ALMS1: variants seen among roughly 807,000 people sequenced by gnomAD.
The protein encoded by ALMS1 is ALMS1 centrosome and basal body associated protein, also known as centrosome-associated protein ALMS1.
ALMS1 carries 271 observed loss-of-function variants against 352.2 expected under a neutral mutation model. The observed-to-expected ratio is 0.77, with a 90% confidence interval of 0.70 to 0.85. ALMS1 has a LOEUF of 0.85. Ranked by LOEUF, ALMS1 falls within the 40% of genes least tolerant of loss-of-function variation. The pLI, the probability that ALMS1 is intolerant of heterozygous loss-of-function variation, is 0.00. For missense variants in ALMS1, 5,445 were observed against 4,870.7 expected, an observed-to-expected ratio of 1.12 and a Z score of -3.51; for synonymous variants, 1,865 against 1,761.2, an observed-to-expected ratio of 1.06 and a Z score of -1.48.
chr2:73,466,475 G>C (rs1466425443), intron 9 of ALMS1, among the ~76,000 whole-genome samples: 2 of 133,810 alleles, frequency 1.5e-5, no homozygotes. Context: ...CACACTCTGG[G>C]GCCTGTTGTG....
chr2:73,443,648 A>AAC (rs1553402827), intron 7 of ALMS1, among the ~76,000 whole-genome samples: 3 of 149,966 alleles, frequency 2.0e-5, no homozygotes, highest in Non-Finnish European at 1.5e-5. Context: ...GGGCTTTGCT[A>AAC]ATATATATAT....
intron 11 of ALMS1, among the ~76,000 whole-genome samples, chr2:73,531,364 T>C (rs116416537): frequency 4.7e-4 from 71 of 152,332 alleles, no homozygotes; most frequent in African/African-American, 1.4e-3. Context: ...CAGGGGAAAA[T>C]TGCTGCCAGT....
chr2:73,395,099 T>TG (rs1670735421), intron 1 of ALMS1, among the ~76,000 whole-genome samples: 1 of 134,882 alleles, frequency 7.4e-6, no homozygotes, highest in Non-Finnish European at 1.6e-5. Context: ...TTTTTTTTTT[T>TG]GAGACAGAGT....
In ALMS1 at chr2:73,602,228, G is replaced by T. The variant is rs756267296; in HGVS notation, c.12158G>T (p.Gly4053Val). Residue 4053 changes from glycine (G) to valine (V), a missense_variant, in exon 20 of 23, where the codon GGG (glycine) becomes GTG (valine). Coordinates refer to ENST00000613296, the MANE Select transcript of ALMS1 (RefSeq NM_001378454.1). ...AGACCTGACTTCATCTCCCGCTCTG[G>T]GGAGCGGATAAAGCGCCTGAAGTTA... is the stretch of plus-strand genomic sequence containing the variant. ...FHRPDFISRS[G>V]ERIKRLKLIV... The T allele has an allele frequency of 6.2e-7, 1 of 1,614,124 alleles. No individual in the cohort carries two copies. The highest frequency in any genetic ancestry group is 1.7e-5 in the Admixed American group (1 of 60,022).
chr2:73,563,679 C>T (rs530638100), intron 15 of ALMS1, among the ~76,000 whole-genome samples: 2 of 140,146 alleles, frequency 1.4e-5, no homozygotes, highest in South Asian at 2.2e-4. Flanking sequence ...GCCGAGATCA[C>T]GCCACTGCAC....
intron 9 of ALMS1, among the ~76,000 whole-genome samples, chr2:73,484,203 G>A (rs1253965249): frequency 5.1e-4 from 78 of 151,508 alleles, no homozygotes; most frequent in African/African-American, 1.8e-3. Flanking sequence ...ATTTTGCAGC[G>A]GCTGGTACTG....
rs557575278 is a variant in ALMS1, at chr2:73,481,000, C to G, written c.7675-8634C>G. Reference sequence around the variant, plus strand: ...AGCCCTTTGTCAGATGAGTAGGTTGCGAAAATTTTCTCCCATTTTGTAGGT... The same window carrying G: ...AGCCCTTTGTCAGATGAGTAGGTTGGGAAAATTTTCTCCCATTTTGTAGGT... On this transcript the variant is annotated intron_variant, in intron 9 of 22. Coordinates refer to ENST00000613296, the MANE Select transcript of ALMS1 (RefSeq NM_001378454.1). 2.0e-5 allele frequency among the ~76,000 whole-genome samples: 3 copies of G among 149,800 alleles called. No individual in the cohort carries two copies. The East Asian group carries it at 5.8e-4, about 29-fold the overall frequency.
chr2:73,535,250 T>A (rs1674003069), intron 12 of ALMS1, among the ~76,000 whole-genome samples: 1 of 152,198 alleles, frequency 6.6e-6, no homozygotes, highest in Non-Finnish European at 1.5e-5. Flanking sequence ...CACTGATTTA[T>A]TTTCTCCGCT....
chr2:73,460,889 G>A (rs1280268558), intron 9 of ALMS1, among the ~76,000 whole-genome samples: 1 of 152,242 alleles, frequency 6.6e-6, no homozygotes, highest in Non-Finnish European at 1.5e-5. Flanking sequence ...CGAGGCTGGG[G>A]GAGGGGCGCC....
intron 10 of ALMS1, among the ~76,000 whole-genome samples, chr2:73,511,540 G>A (rs116157052): frequency 0.015 from 2,287 of 152,182 alleles, 62 homozygotes; most frequent in African/African-American, 0.052. Flanking sequence ...GGGTACCTTA[G>A]TCGGAAATGC....
intron 11 of ALMS1, among the ~76,000 whole-genome samples, chr2:73,531,866 T>A (rs1350173949): frequency 6.6e-6 from 1 of 152,170 alleles, no homozygotes; most frequent in Non-Finnish European, 1.5e-5. Flanking sequence ...TTCTAAACCA[T>A]CAAGATCTCC....
chr2:73,412,938 C>T (rs894025499), intron 2 of ALMS1, among the ~76,000 whole-genome samples: 2 of 151,804 alleles, frequency 1.3e-5, no homozygotes, highest in Admixed American at 1.3e-4. Context: ...TATGAGAGTT[C>T]TGATTGCCCT....
chr2:73,430,136 G>A (rs1671470087), intron 6 of ALMS1, among the ~76,000 whole-genome samples: 1 of 150,440 alleles, frequency 6.6e-6, no homozygotes, highest in African/African-American at 2.5e-5. Context: ...GAATGCAGTG[G>A]TGCGGTCTCA....
intron 16 of ALMS1, among the ~76,000 whole-genome samples, chr2:73,594,569 G>A (rs1190824237): frequency 6.6e-6 from 1 of 152,180 alleles, no homozygotes; most frequent in African/African-American, 2.4e-5. Context: ...TGCTGCATCT[G>A]CACCAAATGA....
chr2:73,428,384 T>C (rs1323980465), intron 6 of ALMS1, among the ~76,000 whole-genome samples: 1 of 152,006 alleles, frequency 6.6e-6, no homozygotes, highest in Non-Finnish European at 1.5e-5. Flanking sequence ...TCCCCCCACC[T>C]TTTAACTATT....
In ALMS1 at chr2:73,519,948, G is replaced by A. The variant is rs1176919572; in HGVS notation, c.9713G>A (p.Arg3238His). The A allele has an allele frequency of 7.4e-6, 12 of 1,613,956 alleles. No individual in the cohort carries two copies. The Admixed American group carries it at 1.7e-4, about 22-fold the overall frequency. ...ATAGAGCCTGGTAACCAGAAGCTAC[G>A]CAAAGCTCCTGTCAAGTTTGCCTCA... ...EIIEPGNQKL[R>H]KAPVKFASSS... The change falls in exon 11 of 23, where the codon CGC (arginine) becomes CAC (histidine). Residue 3238 changes from arginine (R) to histidine (H), a missense_variant. By Grantham distance (29) the Arg-to-His change is conservative. Transcript: ENST00000613296.
At chr2:73,513,589 G>T (rs1673495537) in intron 10 of ALMS1, among the ~76,000 whole-genome samples, 1 of 152,098 alleles carries the variant, frequency 6.6e-6, no homozygotes, top group Non-Finnish European at 1.5e-5. Context: ...CATCCTGCAG[G>T]AAATCTGACT....
At chr2:73,608,803 G>A (rs1009170520) in intron 22 of ALMS1, among the ~76,000 whole-genome samples, 6 of 152,276 alleles carry the variant, frequency 3.9e-5, no homozygotes, top group Middle Eastern at 3.4e-3. Flanking sequence ...CCATGCATTC[G>A]TTTGCAGTGA....
chr2:73,422,771 A>C, intron 3 of ALMS1, 86 bp from the exon 4 acceptor site: 1 of 1,045,666 alleles, frequency 9.6e-7, no homozygotes, highest in Non-Finnish European at 1.5e-6. Context: ...ATATGGCAGC[A>C]TATGTAGGTG....
Sources: gnomAD v4.1 joint callset for allele counts (sites outside exome capture counted in the v4.1 genomes callset) on GRCh38, gnomAD v4.1.1 for gene constraint, MANE v1.5 for transcripts, NCBI Gene and HGNC (gene_info 2026-07-23, HGNC 2026-07-21) for gene names.